The following NDUFAF2 variants were observed in gnomAD, a reference collection of about 807,000 sequenced individuals.
NDUFAF2 encodes the protein NADH dehydrogenase [ubiquinone] 1 alpha subcomplex assembly factor 2.
NDUFAF2 carries 13 observed loss-of-function variants against 22.8 expected under a neutral mutation model. The observed-to-expected ratio is 0.57, with a 90% CI of 0.37 to 0.91. The LOEUF (loss-of-function observed/expected upper bound fraction) is 0.91. Among genes scored for constraint, NDUFAF2 ranks in the 40% least tolerant of loss-of-function variants. The pLI, the probability that NDUFAF2 is intolerant of heterozygous loss-of-function variation, is 0.01. For missense variants in NDUFAF2, 162 were observed against 195.2 expected, an observed-to-expected ratio of 0.83 and a Z score of 1.01; for synonymous variants, 53 against 64.2, an observed-to-expected ratio of 0.83 and a Z score of 0.84.
At chr5:61,038,464 C>T (rs1279560306) in intron 1 of NDUFAF2, among the ~76,000 whole-genome samples, 3 of 152,076 alleles carry the variant, frequency 2.0e-5, no homozygotes, top group Non-Finnish European at 4.4e-5. Context: ...ATTGGTCACA[C>T]CTGTAAATGT....
intron 1 of NDUFAF2, among the ~76,000 whole-genome samples, chr5:60,985,822 C>T (rs114140181): frequency 0.016 from 2,403 of 152,242 alleles, 77 homozygotes; most frequent in African/African-American, 0.055. Flanking sequence ...TCAATCACCT[C>T]CCCACTGGGT....
chr5:61,098,151 A>G lies in NDUFAF2; in HGVS notation c.218-841A>G, dbSNP rs540877776. ...CAGGCTTCAAAGTAAACATTTATGT[A>G]TATTATCTTATATAATTTTCACAAC... On this transcript the variant is annotated intron_variant, in intron 2 of 3. Transcript: ENST00000296597. 2.5e-3 allele frequency among the ~76,000 whole-genome samples: 383 copies of G among 152,328 alleles called. 1 individual carries two copies. The highest frequency in any genetic ancestry group is 4.1e-3 in the Non-Finnish European group (280 of 68,018).
chr5:61,055,332 T>C (rs942090496), intron 1 of NDUFAF2, among the ~76,000 whole-genome samples: 1 of 152,216 alleles, frequency 6.6e-6, no homozygotes, highest in African/African-American at 2.4e-5. Context: ...CACAAATTGC[T>C]TTTAATTCAC....
chr5:61,112,016 C>T (rs1208300820), intron 3 of NDUFAF2, among the ~76,000 whole-genome samples: 1 of 152,068 alleles, frequency 6.6e-6, no homozygotes, highest in East Asian at 1.9e-4. Flanking sequence ...CTTGGCCTCC[C>T]AAAGACCTGG....
In NDUFAF2 at chr5:60,981,312, A is replaced by G. The variant is rs911694933; in HGVS notation, c.127+35930A>G. 2.6e-5 allele frequency among the ~76,000 whole-genome samples: 4 copies of G among 152,192 alleles called. 1 individual carries two copies. In the East Asian group the frequency reaches 7.7e-4, roughly 29 times the overall value. On this transcript the variant is annotated intron_variant, in intron 1 of 3. Transcript: ENST00000296597. ...TTTAACATGCTGAAAGAAAAAATAC[A>G]TATATTAGAATAGTATATCTGGCAA... is the stretch of plus-strand genomic sequence containing the variant.
Position 61,063,965 on chromosome 5 carries a change from A to C in NDUFAF2, c.128-9160A>C, listed in dbSNP as rs1752198734. Among the ~76,000 whole-genome samples the C allele has an allele frequency of 2.0e-5, 3 of 152,166 alleles. No individual in the cohort carries two copies. The South Asian group carries it at 6.2e-4, about 31-fold the overall frequency. On this transcript the variant is annotated intron_variant, in intron 1 of 3. Coordinates refer to ENST00000296597, the MANE Select transcript of NDUFAF2 (RefSeq NM_174889.5). ...GAATGGTTAGATGGAGTTAAAAAGA[A>C]AAACAAGATCCAACTATATGTTGCC...
chr5:61,014,447 TA>T (rs1375526795), intron 1 of NDUFAF2, among the ~76,000 whole-genome samples: 4 of 152,132 alleles, frequency 2.6e-5, no homozygotes, highest in African/African-American at 9.7e-5. Context: ...TTATTGTAAG[TA>T]GGTGGTAGTG....
chr5:61,148,005 G>A (rs570455787), intron 3 of NDUFAF2, among the ~76,000 whole-genome samples: 2 of 152,260 alleles, frequency 1.3e-5, no homozygotes, highest in South Asian at 4.1e-4. Flanking sequence ...CTGCTTTATG[G>A]AGTTTCACCG....
chr5:60,973,893 C>T (rs931906949), intron 1 of NDUFAF2, among the ~76,000 whole-genome samples: 4 of 152,170 alleles, frequency 2.6e-5, no homozygotes, highest in Non-Finnish European at 5.9e-5. Context: ...CAACCTTTGC[C>T]TCCCAGGCTC....
chr5:60,945,215 C>T lies in NDUFAF2; in HGVS notation c.-41C>T. On this transcript the variant is annotated 5_prime_UTR_variant, in exon 1 of 4. Transcript: ENST00000296597. ...GGCGGCTGGAGCATTACCCCTACTG[C>T]GGGTCCCGCTGCTGGCAGCGCTGGA... 2 of 1,606,388 alleles carry T rather than the reference C, an allele frequency of 1.2e-6. No homozygotes were observed. Among genetic ancestry groups the T allele is most frequent in the Non-Finnish European group, 1.7e-6 (2 of 1,177,300 alleles).
intron 1 of NDUFAF2, among the ~76,000 whole-genome samples, chr5:60,962,376 A>G (rs1037521362): frequency 7.9e-5 from 12 of 152,118 alleles, no homozygotes; most frequent in African/African-American, 2.4e-4. Flanking sequence ...CTGTCCTTTA[A>G]ACACCTTTCA....
At chr5:61,137,929 T>C (rs192768323) in intron 3 of NDUFAF2, among the ~76,000 whole-genome samples, 1 of 152,354 alleles carries the variant, frequency 6.6e-6, no homozygotes, top group East Asian at 1.9e-4. Context: ...TCTTTGTACA[T>C]CTGGTTGAAA....
chr5:61,131,021 A>G (rs1468279452), intron 3 of NDUFAF2, among the ~76,000 whole-genome samples: 3 of 152,188 alleles, frequency 2.0e-5, no homozygotes, highest in Non-Finnish European at 4.4e-5. Context: ...ATTTGACAAC[A>G]TAAGAAGTTT....
chr5:61,039,954 T>G (rs141202675), intron 1 of NDUFAF2, among the ~76,000 whole-genome samples: 6 of 152,286 alleles, frequency 3.9e-5, no homozygotes, highest in African/African-American at 1.4e-4. Flanking sequence ...TGTTAAATCA[T>G]CTCAGATCCA....
chr5:61,060,251 G>T (rs1160107712), intron 1 of NDUFAF2, among the ~76,000 whole-genome samples: 1 of 152,124 alleles, frequency 6.6e-6, no homozygotes, highest in African/African-American at 2.4e-5. Flanking sequence ...TTCAAGTCAT[G>T]TGTAAAAATG....
chr5:60,950,974 A>G (rs1380522178), intron 1 of NDUFAF2, among the ~76,000 whole-genome samples: 1 of 152,022 alleles, frequency 6.6e-6, no homozygotes, highest in East Asian at 1.9e-4. Context: ...TCACTTAGTA[A>G]TATGCACTTA....
At chr5:61,039,754 G>A (rs1751848385) in intron 1 of NDUFAF2, among the ~76,000 whole-genome samples, 1 of 152,068 alleles carries the variant, frequency 6.6e-6, no homozygotes, top group Non-Finnish European at 1.5e-5. Context: ...AAGAACCATA[G>A]CATCTCATTG....
intron 2 of NDUFAF2, among the ~76,000 whole-genome samples, chr5:61,080,615 A>G (rs1181944638): frequency 6.6e-6 from 1 of 152,080 alleles, no homozygotes; most frequent in African/African-American, 2.4e-5. Flanking sequence ...AATGACCTAG[A>G]TCATCTTTTC....
chr5:61,020,759 C>T (rs1280412321), intron 1 of NDUFAF2, among the ~76,000 whole-genome samples: 1 of 152,024 alleles, frequency 6.6e-6, no homozygotes, highest in African/African-American at 2.4e-5. Context: ...AGCACAATCT[C>T]TGCTCACTGC....
Sources: gnomAD v4.1 joint callset for allele counts (sites outside exome capture counted in the v4.1 genomes callset) on GRCh38, gnomAD v4.1.1 for gene constraint, MANE v1.5 for transcripts, NCBI Gene and HGNC (gene_info 2026-07-23, HGNC 2026-07-21) for gene names.